The following SULF1 variants were observed in gnomAD, a reference collection of about 807,000 sequenced individuals.
SULF1 encodes sulfatase 1, also known as extracellular sulfatase Sulf-1.
A neutral mutation model predicts 110.5 loss-of-function variants in SULF1; 46 were observed. That is an observed-to-expected ratio of 0.42 (90% CI 0.33 to 0.53). The LOEUF (loss-of-function observed/expected upper bound fraction) is 0.53. Among genes scored for constraint, SULF1 ranks in the 20% least tolerant of loss-of-function variants. The pLI is 0.12. For synonymous variants in SULF1, 371 were observed against 387.1 expected (o/e 0.96, Z 0.49); for missense variants, 941 against 1,094.2 (o/e 0.86, Z 1.98).
rs1220833469 is a variant in SULF1 at position 69,659,527 on chromosome 8, G to A, written c.*992G>A. 3.6e-5 allele frequency: 9 copies of A among 247,380 alleles called. No individual in the cohort carries two copies. The highest frequency in any genetic ancestry group is 2.0e-4 in the African/African-American group (9 of 43,964). 15.3% of individuals were successfully genotyped at this position (247,380 alleles called of 1,614,324 possible). ...TCTGCCAAGAGTAGAAAGAAAGGCT[G>A]GGGATATTTGGGTTGGCTTGGTTTT... On this transcript the variant is annotated 3_prime_UTR_variant, in exon 23 of 23. Coordinates refer to ENST00000402687, the MANE Select transcript of SULF1 (RefSeq NM_001128205.2).
At chr8:69,507,106 C>T (rs550813283) in intron 3 of SULF1, among the ~76,000 whole-genome samples, 1 of 152,308 alleles carries the variant, frequency 6.6e-6, no homozygotes, top group East Asian at 1.9e-4. Flanking sequence ...TTCAGATCAC[C>T]ATGCCACAGT....
chr8:69,474,544 C>A (rs1018667344), intron 1 of SULF1, among the ~76,000 whole-genome samples: 1 of 152,160 alleles, frequency 6.6e-6, no homozygotes. Flanking sequence ...AGGCCCCCTA[C>A]AAATCATGTT....
chr8:69,529,174 G>T (rs1187322603), intron 3 of SULF1, among the ~76,000 whole-genome samples: 2 of 152,154 alleles, frequency 1.3e-5, no homozygotes, highest in African/African-American at 4.8e-5. Context: ...GCTCCCGTCA[G>T]ACCCCAAAGC....
At chr8:69,578,897 C>T (rs1469914389) in intron 6 of SULF1, among the ~76,000 whole-genome samples, 4 of 152,152 alleles carry the variant, frequency 2.6e-5, no homozygotes, top group Admixed American at 6.5e-5. Context: ...GGTGCGGTGG[C>T]TCACGCCTGT....
intron 3 of SULF1, among the ~76,000 whole-genome samples, chr8:69,539,275 T>C (rs1028024991): frequency 1.3e-5 from 2 of 152,038 alleles, no homozygotes; most frequent in Admixed American, 1.3e-4. Flanking sequence ...AACTTTTTAC[T>C]TTTTTTTAGT....
At chr8:69,559,320 T>C (rs1018882954) in intron 3 of SULF1, among the ~76,000 whole-genome samples, 1 of 152,254 alleles carries the variant, frequency 6.6e-6, no homozygotes, top group African/African-American at 2.4e-5. Context: ...TTTATTCATG[T>C]AAGATTTTGT....
At chr8:69,502,344 A>G (rs1233662703) in intron 3 of SULF1, among the ~76,000 whole-genome samples, 2 of 152,234 alleles carry the variant, frequency 1.3e-5, no homozygotes, top group Non-Finnish European at 2.9e-5. Flanking sequence ...CCACAGTGTC[A>G]GGAGTGAAAG....
intron 3 of SULF1, among the ~76,000 whole-genome samples, chr8:69,526,606 A>T (rs866637982): frequency 6.7e-6 from 1 of 148,584 alleles, no homozygotes; most frequent in Admixed American, 6.6e-5. Flanking sequence ...TACCAAAAAA[A>T]AAAAAAAAGA....
At chr8:69,619,102 G>A (rs796589007) in intron 13 of SULF1, among the ~76,000 whole-genome samples, 7 of 151,920 alleles carry the variant, frequency 4.6e-5, no homozygotes, top group Admixed American at 2.0e-4. Flanking sequence ...GAAAATATAC[G>A]TGGCACAAAA....
intron 1 of SULF1, among the ~76,000 whole-genome samples, chr8:69,477,275 A>T (rs1440716335): frequency 1.3e-5 from 2 of 152,218 alleles, no homozygotes; most frequent in Non-Finnish European, 2.9e-5. Context: ...ACGGGGGGAA[A>T]AATAAGCTAT....
intron 3 of SULF1, among the ~76,000 whole-genome samples, chr8:69,544,541 A>T (rs1650145316): frequency 1.3e-5 from 2 of 152,198 alleles, no homozygotes. Context: ...TGCTGGGATT[A>T]TAGGGGTGAG....
At chr8:69,519,796 A>C (rs1277363646) in intron 3 of SULF1, among the ~76,000 whole-genome samples, 1 of 152,164 alleles carries the variant, frequency 6.6e-6, no homozygotes, top group African/African-American at 2.4e-5. Context: ...AAATAGCAAG[A>C]TGCATTGAGT....
At chr8:69,581,950 C>T (rs1170042023) in intron 6 of SULF1, among the ~76,000 whole-genome samples, 7 of 151,720 alleles carry the variant, frequency 4.6e-5, no homozygotes, top group Admixed American at 1.3e-4. Flanking sequence ...ACATTTCTTA[C>T]GCTCCGTTAA....
intron 1 of SULF1, among the ~76,000 whole-genome samples, chr8:69,468,825 C>T (rs996040686): frequency 1.3e-5 from 2 of 152,188 alleles, no homozygotes; most frequent in Non-Finnish European, 2.9e-5. Flanking sequence ...TCGGATTTTC[C>T]TCCCTGAGAT....
chr8:69,566,483 C>T (rs1160919225), intron 5 of SULF1, among the ~76,000 whole-genome samples: 3 of 152,180 alleles, frequency 2.0e-5, no homozygotes, highest in Non-Finnish European at 4.4e-5. Flanking sequence ...AGACCAGGCT[C>T]AGCCAACCCA....
intron 22 of SULF1, among the ~76,000 whole-genome samples, chr8:69,650,773 G>A (rs748810197): frequency 6.6e-5 from 10 of 152,128 alleles, no homozygotes; most frequent in East Asian, 1.9e-4. Flanking sequence ...CCTGGATTCC[G>A]TGTACTTTTG....
At chr8:69,534,190 T>G (rs1813287277) in intron 3 of SULF1, among the ~76,000 whole-genome samples, 1 of 152,240 alleles carries the variant, frequency 6.6e-6, no homozygotes, top group Non-Finnish European at 1.5e-5. Context: ...CCGAAAATAC[T>G]TGCAGGAAGT....
At chr8:69,606,745 C>G (rs1405284666) in intron 13 of SULF1, among the ~76,000 whole-genome samples, 1 of 152,174 alleles carries the variant, frequency 6.6e-6, no homozygotes, top group Non-Finnish European at 1.5e-5. Context: ...CTTAATTTTG[C>G]TTTTTCATAT....
At chr8:69,485,787 G>A (rs900747404) in intron 1 of SULF1, among the ~76,000 whole-genome samples, 3 of 152,116 alleles carry the variant, frequency 2.0e-5, no homozygotes, top group South Asian at 2.1e-4. Flanking sequence ...ATGCCTCTAC[G>A]TACTTACAAG....
Sources: gnomAD v4.1 joint callset for allele counts (sites outside exome capture counted in the v4.1 genomes callset) on GRCh38, gnomAD v4.1.1 for gene constraint, MANE v1.5 for transcripts, NCBI Gene and HGNC (gene_info 2026-07-23, HGNC 2026-07-21) for gene names.